Variants in WNT6 observed in about 807,000 individuals in gnomAD.
WNT6 encodes Wnt family member 6, also known as protein Wnt-6.
Under a neutral mutation model 33.1 loss-of-function variants are expected in WNT6, and 27 were observed. The ratio of observed to expected loss-of-function variants is 0.82; its 90% CI spans 0.60 to 1.12. The LOEUF is 1.12. WNT6 is among the 50% of genes most tolerant of loss of function. WNT6 has a pLI of 0.00. For missense variants in WNT6, 494 were observed against 535.3 expected (o/e 0.92, Z 0.76); for synonymous variants, 249 against 242.8 (o/e 1.03, Z -0.24).
Position 218,871,234 on chromosome 2 carries a change from C to A in WNT6, c.288C>A (p.Arg96=), listed in dbSNP as rs755799640. Residue 96 remains arginine, a synonymous_variant, in exon 2 of 4, where the codon CGC becomes CGA. Transcript: ENST00000233948. The surrounding 1 kb of genome is among the most constrained non-coding windows in gnomAD (Gnocchi z 6.4). The part of the protein sequence containing the change: ...NCSSHSKAFG[R]ILQQDIRETA... ...CCAGCCACAGCAAGGCCTTTGGACGCATCCTGCAACAGGGTCAGTGTGGGG... is the reference window on the plus strand; with the variant it reads ...CCAGCCACAGCAAGGCCTTTGGACGAATCCTGCAACAGGGTCAGTGTGGGG... 21 of 1,610,672 alleles carry A rather than the reference C, an allele frequency of 1.3e-5. No individual in the cohort carries two copies. The South Asian group carries it at 2.3e-4, about 18-fold the overall frequency.
At chr2:218,870,983 CT>C (rs771034678) in intron 1 of WNT6, 43 bp from the exon 2 acceptor site, 7 of 1,532,412 alleles carry the variant, frequency 4.6e-6, no homozygotes, top group Admixed American at 2.0e-5. Context: ...ACCCCAAGCC[CT>C]TTTTTGGGTT....
Position 218,873,517 on chromosome 2 carries a change from C to T in WNT6, c.770C>T (p.Ala257Val). Residue 257 changes from alanine to valine, a missense_variant, in exon 4 of 4, where the codon GCC becomes GTC. Transcript: ENST00000233948. The surrounding 1 kb of genome is among the most constrained non-coding windows in gnomAD (Gnocchi z 6.1). ...CGGCTGCTGGAGCGCTTCCACGGCG[C>T]CTCACGCGTCATGGGCACCAACGAC... Reference protein sequence around the residue: ...GARLLERFHGASRVMGTNDGK... With the variant: ...GARLLERFHGVSRVMGTNDGK... 6.5e-7 allele frequency: 1 copy of T among 1,538,348 alleles called. No homozygotes were observed. The highest frequency in any genetic ancestry group is 1.2e-5 in the South Asian group (1 of 84,000).
chr2:218,873,552 C>T lies in WNT6; in HGVS notation c.805C>T (p.Leu269=). The T allele has an allele frequency of 6.5e-7, 1 of 1,537,486 alleles. No homozygotes were observed. The highest frequency in any genetic ancestry group is 8.7e-7 in the Non-Finnish European group (1 of 1,145,782). Residue 269 remains leucine (L), a synonymous_variant, in exon 4 of 4, where the codon CTG becomes TTG. Transcript: ENST00000233948. This position sits in a 1 kb window ranked among gnomAD's most constrained non-coding sequence, Gnocchi z 6.1. ...CATGGGCACCAACGACGGCAAGGCC[C>T]TGCTGCCCGCCGTCCGCACGCTCAA... ...RVMGTNDGKA[L]LPAVRTLKPP...
Position 218,867,248 on chromosome 2 carries a change from C to T in WNT6, c.81-3779C>T, listed in dbSNP as rs988537242. Among the ~76,000 whole-genome samples, 2 of 152,178 alleles carry T rather than the reference C, an allele frequency of 1.3e-5. No individual in the cohort carries two copies. The highest frequency in any genetic ancestry group is 2.9e-5 in the Non-Finnish European group (2 of 68,042). ...TCTACTGTGTCTTGCAATAGGGATCCCTCCACCAGTGGCCAGAGTCAGTCG... is the reference window on the plus strand; with the variant it reads ...TCTACTGTGTCTTGCAATAGGGATCTCTCCACCAGTGGCCAGAGTCAGTCG... On this transcript the variant is annotated intron_variant, in intron 1 of 3. Coordinates refer to ENST00000233948, the MANE Select transcript of WNT6 (RefSeq NM_006522.4). The surrounding 1 kb of genome is among the most constrained non-coding windows in gnomAD (Gnocchi z 4.9).
chr2:218,863,646 C>T (rs1944329306), intron 1 of WNT6, among the ~76,000 whole-genome samples: 1 of 152,120 alleles, frequency 6.6e-6, no homozygotes, highest in African/African-American at 2.4e-5. Context: ...GTCAGGAGTT[C>T]GAGACCAGTT....
chr2:218,870,553 T>C (rs760073382), intron 1 of WNT6, among the ~76,000 whole-genome samples: 5 of 152,254 alleles, frequency 3.3e-5, no homozygotes, highest in Non-Finnish European at 5.9e-5. Context: ...AGCTGACACA[T>C]ATCCAGCTTG....
At chr2:218,869,061 C>T (rs1395337596) in intron 1 of WNT6, among the ~76,000 whole-genome samples, 2 of 152,088 alleles carry the variant, frequency 1.3e-5, no homozygotes, top group East Asian at 3.9e-4. Context: ...CCCTCCATTG[C>T]TTTACTTATC....
At position 218,860,867 on chromosome 2, in the gene WNT6, CG is replaced by C. The variant is rs1944301816; in HGVS notation, c.80+753del. On this transcript the variant is annotated intron_variant, in intron 1 of 3. Coordinates refer to ENST00000233948, the MANE Select transcript of WNT6 (RefSeq NM_006522.4). ...AGGGACACCTAGGCAGCGAAGGTTGCGGGAGCTTCGAGCCTTGGGGGTGGGG... is the reference window on the plus strand; with the variant it reads ...AGGGACACCTAGGCAGCGAAGGTTGCGGAGCTTCGAGCCTTGGGGGTGGGG... 5.1e-5 allele frequency among the ~76,000 whole-genome samples: 4 copies of C among 78,884 alleles called. No individual in the cohort carries two copies. The South Asian group carries it at 2.0e-3, about 40-fold the overall frequency. The allele number at this position is 78,884 out of a possible 152,430, so 51.8% of individuals were successfully genotyped here. A position where few individuals can be genotyped will look rare whatever the true frequency, so the allele number is the denominator to read the frequency against.
At position 218,873,701 on chromosome 2, in the gene WNT6, C is replaced by T; in HGVS notation, c.954C>T (p.Ser318=). 2 of 1,575,300 alleles carry T rather than the reference C, an allele frequency of 1.3e-6. No individual in the cohort carries two copies. Among genetic ancestry groups the T allele is most frequent in the Non-Finnish European group, 1.7e-6 (2 of 1,167,394 alleles). The part of the protein sequence containing the change: ...RACNSSAPDL[S]GCDLLCCGRG... The stretch of plus-strand genomic sequence containing the variant: ...GCAATAGCAGCGCCCCGGACCTCAG[C>T]GGCTGCGACCTGCTGTGCTGCGGCC... Residue 318 remains serine, a synonymous_variant, in exon 4 of 4, where the codon AGC becomes AGT. Coordinates refer to ENST00000233948, the MANE Select transcript of WNT6 (RefSeq NM_006522.4). The surrounding 1 kb of genome is among the most constrained non-coding windows in gnomAD (Gnocchi z 6.1).
At position 218,873,652 on chromosome 2, in the gene WNT6, C is replaced by T; in HGVS notation, c.905C>T (p.Ser302Phe). Residue 302 changes from serine (S) to phenylalanine (F), a missense_variant, in exon 4 of 4, where the codon TCC (serine) becomes TTC (phenylalanine). Transcript: ENST00000233948. The surrounding 1 kb of genome is among the most constrained non-coding windows in gnomAD (Gnocchi z 6.1). ...TGCGCCCCCAACCGACGCACCGGCT[C>T]CCCCGGCACGCGCGGTCGCGCCTGC... is the stretch of plus-strand genomic sequence containing the variant. Reference protein sequence around the residue: ...DFCAPNRRTGSPGTRGRACNS... With the variant: ...DFCAPNRRTGFPGTRGRACNS... 6.3e-7 allele frequency: 1 copy of T among 1,582,564 alleles called. No homozygotes were observed. The highest frequency in any genetic ancestry group is 8.5e-7 in the Non-Finnish European group (1 of 1,171,678).
At chr2:218,864,290 C>T (rs908485698) in intron 1 of WNT6, among the ~76,000 whole-genome samples, 8 of 152,024 alleles carry the variant, frequency 5.3e-5, no homozygotes, top group African/African-American at 1.7e-4. Context: ...GACAGAGTCT[C>T]GCTCTGTCAC....
intron 1 of WNT6, among the ~76,000 whole-genome samples, chr2:218,860,677 G>A (rs1362579854): frequency 1.3e-5 from 2 of 152,200 alleles, no homozygotes; most frequent in Non-Finnish European, 2.9e-5. Flanking sequence ...AGGAGGAGCG[G>A]AAGGAACCGG....
chr2:218,873,911 C>A lies in WNT6; in HGVS notation c.*66C>A, dbSNP rs1944431031. 1 of 1,370,392 alleles carries A rather than the reference C, an allele frequency of 7.3e-7. No individual in the cohort carries two copies. The highest frequency in any genetic ancestry group is 1.5e-5 in the African/African-American group (1 of 65,032). 84.9% of individuals were successfully genotyped at this position (1,370,392 alleles called of 1,614,324 possible). The stretch of plus-strand genomic sequence containing the variant: ...CTCGCACCTGTGGGACCTCAGGGCA[C>A]CGGCACCGGGCGCCTCTCGCCGCTC... On this transcript the variant is annotated 3_prime_UTR_variant, in exon 4 of 4. Coordinates refer to ENST00000233948, the MANE Select transcript of WNT6 (RefSeq NM_006522.4). The surrounding 1 kb of genome is among the most constrained non-coding windows in gnomAD (Gnocchi z 6.1).
chr2:218,864,625 C>T (rs1005607923), intron 1 of WNT6, among the ~76,000 whole-genome samples: 9 of 152,190 alleles, frequency 5.9e-5, no homozygotes, highest in Non-Finnish European at 1.2e-4. Context: ...AGGGAAAACA[C>T]CACCCAGTGT....
Position 218,873,415 on chromosome 2 carries a change from A to G in WNT6, c.668A>G (p.Lys223Arg). 1 of 1,537,202 alleles carries G rather than the reference A, an allele frequency of 6.5e-7. No individual in the cohort carries two copies. The highest frequency in any genetic ancestry group is 8.7e-7 in the Non-Finnish European group (1 of 1,146,476). ...CGGAGCCACACGCGCACCGAGTGCA[A>G]ATGCCACGGGCTGTCGGGATCATGC... The part of the protein sequence containing the change: ...AVRSHTRTEC[K>R]CHGLSGSCAL... Residue 223 changes from lysine (K) to arginine (R), a missense_variant, in exon 4 of 4, where the codon AAA (lysine) becomes AGA (arginine). Coordinates refer to ENST00000233948, the MANE Select transcript of WNT6 (RefSeq NM_006522.4). This position sits in a 1 kb window ranked among gnomAD's most constrained non-coding sequence, Gnocchi z 6.1.
chr2:218,870,537 C>T (rs896613298), intron 1 of WNT6, among the ~76,000 whole-genome samples: 2 of 152,226 alleles, frequency 1.3e-5, no homozygotes, highest in Non-Finnish European at 2.9e-5. Flanking sequence ...TTCATCCGGG[C>T]TGTTCAGCTG....
At chr2:218,861,421 A>G (rs915153595) in intron 1 of WNT6, among the ~76,000 whole-genome samples, 7 of 152,146 alleles carry the variant, frequency 4.6e-5, no homozygotes, top group Admixed American at 3.9e-4. Context: ...CCTACCTCTC[A>G]GTCTTAACTG....
In WNT6 at chr2:218,871,819, G is replaced by A. The variant is rs1277233325; in HGVS notation, c.636G>A (p.Leu212=). Residue 212 remains leucine, a splice_region_variant and synonymous_variant, in exon 3 of 4, where the codon CTG becomes CTA. Coordinates refer to ENST00000233948, the MANE Select transcript of WNT6 (RefSeq NM_006522.4). This position sits in a 1 kb window ranked among gnomAD's most constrained non-coding sequence, Gnocchi z 6.4. The part of the protein sequence containing the change: ...VQLHNNEAGR[L]AVRSHTRTEC... ...TGCACAACAACGAGGCGGGCAGGCT[G>A]GTGCGTACGGGCAGGATGGAGTGAG... 6.3e-7 allele frequency: 1 copy of A among 1,583,056 alleles called. No individual in the cohort carries two copies. The highest frequency in any genetic ancestry group is 1.1e-5 in the South Asian group (1 of 88,068).
In WNT6 at chr2:218,867,853, G is replaced by A. The variant is rs200562607; in HGVS notation, c.81-3174G>A. ...ACTTGATGTGTTGTCAAAAGCCAAA[G>A]TTATAGGGGGTACGTGAGTCTCTCA... On this transcript the variant is annotated intron_variant, in intron 1 of 3. Coordinates refer to ENST00000233948, the MANE Select transcript of WNT6 (RefSeq NM_006522.4). This position sits in a 1 kb window ranked among gnomAD's most constrained non-coding sequence, Gnocchi z 4.9. Among the ~76,000 whole-genome samples the A allele has an allele frequency of 1.8e-4, 28 of 152,340 alleles. No individual in the cohort carries two copies. In the East Asian group the frequency reaches 4.8e-3, roughly 26 times the overall value.
Sources: gnomAD v4.1 joint callset for allele counts (sites outside exome capture counted in the v4.1 genomes callset) on GRCh38, gnomAD v4.1.1 for gene constraint, Gnocchi (gnomAD v3.1) non-coding constraint, MANE v1.5 for transcripts, NCBI Gene and HGNC (gene_info 2026-07-23, HGNC 2026-07-21) for gene names.